NAXE: variants seen among roughly 807,000 people sequenced by gnomAD.
NAXE encodes the protein NAD(P)H-hydrate epimerase.
NAXE carries 25 observed loss-of-function variants against 31.2 expected under a neutral mutation model. The observed-to-expected ratio is 0.80, with a 90% CI of 0.58 to 1.12. The LOEUF (loss-of-function observed/expected upper bound fraction) is 1.12. Among genes scored for constraint, NAXE ranks in the 50% most tolerant of loss-of-function variants. The pLI, the probability that NAXE is intolerant of heterozygous loss-of-function variation, is 0.00. For missense variants in NAXE, 362 were observed against 376.1 expected, an observed-to-expected ratio of 0.96 and a Z score of 0.31; for synonymous variants, 144 against 154.5, an observed-to-expected ratio of 0.93 and a Z score of 0.50.
intron 1 of NAXE, 39 bp downstream of exon 1, chr1:156,592,025 C>T (rs111797996): frequency 6.2e-7 from 1 of 1,613,404 alleles, no homozygotes; most frequent in South Asian, 1.1e-5. Context: ...TGCCCCGGGG[C>T]GGGGCCTGGG....
chr1:156,592,487 G>A lies in NAXE; in HGVS notation c.402+12G>A. The A allele has an allele frequency of 1.2e-6, 2 of 1,613,898 alleles. No homozygotes were observed. Among genetic ancestry groups the A allele is most frequent in the Non-Finnish European group, 1.7e-6 (2 of 1,179,786 alleles). On this transcript the variant is annotated intron_variant, in intron 3 of 5. Transcript: ENST00000368235. ...ACCTCAAACTCTTTGTGAGTATGTG[G>A]GGAGGGGCTGTGGGGGAGGAGGGCG...
Position 156,593,935 on chromosome 1 carries a change from T to G in NAXE, c.718T>G (p.Ser240Ala). ...AGGIQPDLLI[S>A]LTAPKKSATQ... ...AGGGATCCAGCCAGACTTGCTCATA[T>G]CCCTCACAGCCCCCAAAAAATCTGC... The change falls in exon 6 of 6, where the codon TCC becomes GCC. Residue 240 changes from serine (S) to alanine (A), a missense_variant. Physicochemically the swap from Ser to Ala is moderately conservative, Grantham distance 99. Coordinates refer to ENST00000368235, the MANE Select transcript of NAXE (RefSeq NM_144772.3). 1 of 1,614,090 alleles carries G rather than the reference T, an allele frequency of 6.2e-7. No individual in the cohort carries two copies. The highest frequency in any genetic ancestry group is 1.1e-5 in the South Asian group (1 of 91,080).
chr1:156,594,061 G>A lies in NAXE; in HGVS notation c.844G>A (p.Glu282Lys), dbSNP rs1337810522. The A allele has an allele frequency of 2.5e-6, 4 of 1,614,066 alleles. No individual in the cohort carries two copies. In the South Asian group the frequency reaches 4.4e-5, roughly 18 times the overall value. Residue 282 changes from glutamate (E) to lysine (K), a missense_variant, in exon 6 of 6, where the codon GAG becomes AAG. Coordinates refer to ENST00000368235, the MANE Select transcript of NAXE (RefSeq NM_144772.3). ...QLNLPPYPDT[E>K]CVYRLQ The stretch of plus-strand genomic sequence containing the variant: ...GAACCTGCCACCCTACCCTGACACC[G>A]AGTGTGTCTATCGTCTGCAGTGAGG...
chr1:156,593,554 A>G lies in NAXE; in HGVS notation c.663A>G (p.Ser221=). The change falls in exon 5 of 6, where the codon TCA becomes TCG. Residue 221 remains serine (S), a splice_region_variant and synonymous_variant. Transcript: ENST00000368235. ...CCATTGCCAGCATCGACATTCCCTC[A>G]GGTGCTGGGATCCAGAAGGTGGGGT... The part of the protein sequence containing the change: ...TVPIASIDIP[S]GWDVEKGNAG... 1 of 1,614,118 alleles carries G rather than the reference A, an allele frequency of 6.2e-7. No homozygotes were observed. Among genetic ancestry groups the G allele is most frequent in the African/African-American group, 1.3e-5 (1 of 75,024 alleles).
At chr1:156,593,165 C>G in intron 4 of NAXE, 1 of 503,136 alleles carries the variant, frequency 2.0e-6, no homozygotes, top group Non-Finnish European at 3.5e-6. Flanking sequence ...CTCAGGCTAT[C>G]TCAGCCTGTA....
rs138714790 is a variant in NAXE at position 156,594,042 on chromosome 1, G to C, written c.825G>C (p.Leu275=). Residue 275 remains leucine, a synonymous_variant, in exon 6 of 6, where the codon CTG becomes CTC. Coordinates refer to ENST00000368235, the MANE Select transcript of NAXE (RefSeq NM_144772.3). ...TGGAGAAGAAGTACCAGCTGAACCT[G>C]CCACCCTACCCTGACACCGAGTGTG... ...PALEKKYQLN[L]PPYPDTECVY... The C allele has an allele frequency of 2.5e-6, 4 of 1,613,980 alleles. No homozygotes were observed. The highest frequency in any genetic ancestry group is 1.1e-5 in the South Asian group (1 of 91,082).
intron 5 of NAXE, 56 bp downstream of exon 5, chr1:156,593,611 T>C (rs765525648): frequency 3.7e-6 from 6 of 1,607,970 alleles, no homozygotes; most frequent in Non-Finnish European, 5.1e-6. Flanking sequence ...CTCCTGACTC[T>C]TGCCCACACC....
At chr1:156,592,036 A>G in intron 1 of NAXE, 50 bp downstream of exon 1, 6 of 1,613,264 alleles carry the variant, frequency 3.7e-6, no homozygotes, top group Non-Finnish European at 5.1e-6. Flanking sequence ...GGGGCCTGGG[A>G]CGGCCGGGCC....
At chr1:156,593,387 C>A in intron 4 of NAXE, 21 bp from the exon 5 acceptor site, 1 of 1,606,816 alleles carries the variant, frequency 6.2e-7, no homozygotes, top group Non-Finnish European at 8.5e-7. Context: ...GCTCTGACAT[C>A]CTTTTCCTGC....
chr1:156,593,755 G>A (rs1677411357), intron 5 of NAXE, 127 bp from the exon 6 acceptor site: 1 of 1,325,218 alleles, frequency 7.5e-7, no homozygotes, highest in African/African-American at 1.5e-5. Flanking sequence ...GGTACGTGGA[G>A]CTCGTTGGAC....
rs976722169 is a variant in NAXE at position 156,593,313 on chromosome 1, C to A, written c.517-95C>A. 45 of 1,477,198 alleles carry A rather than the reference C, an allele frequency of 3.0e-5. No individual in the cohort carries two copies. The South Asian group carries it at 6.0e-4, about 20-fold the overall frequency. The allele number at this position is 1,477,198 out of a possible 1,614,324, so 91.5% of individuals were successfully genotyped here. A position where few individuals can be genotyped will look rare whatever the true frequency, so the allele number is the denominator to read the frequency against. On this transcript the variant is annotated intron_variant, in intron 4 of 5. Transcript: ENST00000368235. ...TGAATGAGACACAATACTTGTGCCT[C>A]TGAGAATGGTCTGCAGGTGCAGAGG...
Position 156,593,527 on chromosome 1 carries a change from G to A in NAXE, c.636G>A (p.Val212=), listed in dbSNP as rs369230933. The A allele has an allele frequency of 1.2e-6, 2 of 1,614,200 alleles. No homozygotes were observed. Among genetic ancestry groups the A allele is most frequent in the African/African-American group, 1.3e-5 (1 of 75,054 alleles). ...TGAGTGTCCTGAAGGGACTCACTGT[G>A]CCCATTGCCAGCATCGACATTCCCT... ...SILSVLKGLT[V]PIASIDIPSG... Residue 212 remains valine (V), a synonymous_variant, in exon 5 of 6, where the codon GTG becomes GTA. Transcript: ENST00000368235.
chr1:156,593,659 A>T (rs1221817978), intron 5 of NAXE, 104 bp downstream of exon 5: 1 of 1,501,330 alleles, frequency 6.7e-7, no homozygotes, highest in Admixed American at 1.9e-5. Context: ...GGCAGAACAC[A>T]GCTTTCTGGA....
At position 156,592,663 on chromosome 1, in the gene NAXE, C is replaced by T; in HGVS notation, c.509C>T (p.Pro170Leu). Reference sequence around the variant, plus strand: ...GACATCCCTTTCCTTGGGGAAATGCCCGCAGAGGTAGGTGGCTCCAGTTGA... The same window carrying T: ...GACATCCCTTTCCTTGGGGAAATGCTCGCAGAGGTAGGTGGCTCCAGTTGA... ...KMDIPFLGEMPAEPMTIDELY... is the reference protein window; with the variant it reads ...KMDIPFLGEMLAEPMTIDELY... The change falls in exon 4 of 6, where the codon CCC (proline) becomes CTC (leucine). Residue 170 changes from proline (P) to leucine (L), a missense_variant. Transcript: ENST00000368235. 1 of 1,613,126 alleles carries T rather than the reference C, an allele frequency of 6.2e-7. No individual in the cohort carries two copies. The highest frequency in any genetic ancestry group is 8.5e-7 in the Non-Finnish European group (1 of 1,179,232).
Position 156,593,391 on chromosome 1 carries a change from T to C in NAXE, c.517-17T>C. The C allele has an allele frequency of 2.5e-6, 4 of 1,608,240 alleles. No homozygotes were observed. Among genetic ancestry groups the C allele is most frequent in the South Asian group, 1.1e-5 (1 of 90,238 alleles). ...TGCAGCTGCTGGCTCTGACATCCTT[T>C]TCCTGCTCCACCACAGCCCATGACG... On this transcript the variant is annotated splice_polypyrimidine_tract_variant and intron_variant, in intron 4 of 5. Coordinates refer to ENST00000368235, the MANE Select transcript of NAXE (RefSeq NM_144772.3).
intron 5 of NAXE, 75 bp from the exon 6 acceptor site, chr1:156,593,807 C>G: frequency 6.6e-7 from 1 of 1,523,244 alleles, no homozygotes; most frequent in Non-Finnish European, 9.0e-7. Context: ...TCCCACTCCT[C>G]TGGGACTAGG....
rs1677334428 is a variant in NAXE, at chr1:156,591,852, C to G, written c.48C>G (p.Gly16=). 1 of 1,610,438 alleles carries G rather than the reference C, an allele frequency of 6.2e-7. No homozygotes were observed. The highest frequency in any genetic ancestry group is 1.3e-5 in the African/African-American group (1 of 74,862). The change falls in exon 1 of 6, where the codon GGC becomes GGG. Residue 16 remains glycine (G), a synonymous_variant. Coordinates refer to ENST00000368235, the MANE Select transcript of NAXE (RefSeq NM_144772.3). Reference sequence around the variant, plus strand: ...TGGGCCTCGGGCTGCTGGTTGCGGGCTCGCGCGTGCCGCGGATCAAAAGCC... The same window carrying G: ...TGGGCCTCGGGCTGCTGGTTGCGGGGTCGCGCGTGCCGCGGATCAAAAGCC... ...ALLGLGLLVA[G]SRVPRIKSQT...
chr1:156,593,209 G>A (rs566601148), intron 4 of NAXE, 199 bp from the exon 5 acceptor site: 6 of 625,414 alleles, frequency 9.6e-6, no homozygotes, highest in Non-Finnish European at 1.5e-5. Context: ...GGCAGGCACC[G>A]AGAACAAAAA....
At chr1:156,593,152 C>T (rs1032287866) in intron 4 of NAXE, 14 of 473,640 alleles carry the variant, frequency 3.0e-5, no homozygotes, top group Non-Finnish European at 4.4e-5. Flanking sequence ...TCTCCTGACT[C>T]GTCTCAGGCT....
Sources: allele counts gnomAD v4.1 joint callset, GRCh38; gene constraint gnomAD v4.1.1; transcripts MANE v1.5; gene names NCBI Gene and HGNC (gene_info 2026-07-23, HGNC 2026-07-21).